ADISSP: variants seen among roughly 807,000 people sequenced by gnomAD.
The protein encoded by ADISSP is adipose secreted signaling protein.
the ADISSP span, chr20:3,759,968 C>T: frequency 2.3e-5 from 33 of 1,435,604 alleles, no homozygotes; most frequent in Non-Finnish European, 3.1e-5. The surrounding 1 kb of genome is among the most constrained non-coding windows in gnomAD (Gnocchi z 4.6). Flanking sequence ...CACGCACTCA[C>T]ACATGCACAC....
chr20:3,762,811 C>T, the ADISSP span, among the ~76,000 whole-genome samples: 1 of 152,100 alleles, frequency 6.6e-6, no homozygotes. Flanking sequence ...CCCTTCAGAG[C>T]AAAAGTTTGC....
chr20:3,758,121 C>T, the ADISSP span, among the ~76,000 whole-genome samples: 4 of 152,200 alleles, frequency 2.6e-5, no homozygotes, highest in Non-Finnish European at 5.9e-5. This position sits in a 1 kb window ranked among gnomAD's most constrained non-coding sequence, Gnocchi z 5.5. Flanking sequence ...AGCTTCACAC[C>T]TGTATCACAT....
the ADISSP span, chr20:3,760,099 A>G: frequency 3.7e-6 from 6 of 1,611,736 alleles, no homozygotes; most frequent in Non-Finnish European, 5.1e-6. Context: ...GGCTGCAGCC[A>G]TGGACGCCCT....
chr20:3,767,200 T>A, the ADISSP span: 8,224 of 152,296 alleles, frequency 0.054, 291 homozygotes, highest in East Asian at 0.12. Flanking sequence ...ACTCCCCACC[T>A]TCACTCACCT....
the ADISSP span, among the ~76,000 whole-genome samples, chr20:3,755,049 C>T: frequency 1.3e-5 from 2 of 152,302 alleles, no homozygotes; most frequent in East Asian, 3.9e-4. Context: ...GGGGCAGGGC[C>T]TGAAGTGAGC....
chr20:3,761,957 TTTTTTG>T, the ADISSP span, among the ~76,000 whole-genome samples: 2 of 152,204 alleles, frequency 1.3e-5, no homozygotes, highest in African/African-American at 4.8e-5. Context: ...GACTGACCTG[TTTTTTG>T]TTTTTGTTTT....
the ADISSP span, among the ~76,000 whole-genome samples, chr20:3,757,465 C>G: frequency 1.3e-5 from 2 of 152,084 alleles, no homozygotes; most frequent in African/African-American, 2.4e-5. Flanking sequence ...TCCAAATTTT[C>G]TCATGTCTAT....
the ADISSP span, chr20:3,758,674 G>A: frequency 1.5e-4 from 245 of 1,614,000 alleles, 1 homozygote; most frequent in African/African-American, 2.0e-3. This position sits in a 1 kb window ranked among gnomAD's most constrained non-coding sequence, Gnocchi z 5.5. Context: ...CTCTGGGCTT[G>A]TTGCCTAGGA....
the ADISSP span, chr20:3,753,817 C>A: frequency 1.6e-5 from 9 of 575,524 alleles, no homozygotes; most frequent in Admixed American, 3.1e-5. Flanking sequence ...TCCTTTCGGG[C>A]TCAACCCATT....
the ADISSP span, chr20:3,753,986 A>G: frequency 8.4e-7 from 1 of 1,192,688 alleles, no homozygotes; most frequent in Non-Finnish European, 1.2e-6. Flanking sequence ...AAGCCACACC[A>G]TCACGCAGCA....
chr20:3,753,622 A>C, the ADISSP span: 1 of 207,010 alleles, frequency 4.8e-6, no homozygotes, highest in Non-Finnish European at 1.0e-5. Flanking sequence ...CCTCCTACTC[A>C]TGGTGGACAG....
chr20:3,759,702 TG>T, the ADISSP span, among the ~76,000 whole-genome samples: 1 of 152,066 alleles, frequency 6.6e-6, no homozygotes, highest in Non-Finnish European at 1.5e-5. This position sits in a 1 kb window ranked among gnomAD's most constrained non-coding sequence, Gnocchi z 4.6. Context: ...TTATCCCTTC[TG>T]GACTCTGAAA....
At chr20:3,761,336 G>GTTT in the ADISSP span, among the ~76,000 whole-genome samples, 4 of 141,640 alleles carry the variant, frequency 2.8e-5, no homozygotes, top group African/African-American at 7.8e-5. Flanking sequence ...TATGGTTTTT[G>GTTT]TTTTTTTTTT....
chr20:3,758,646 C>T, the ADISSP span: 1 of 1,614,094 alleles, frequency 6.2e-7, no homozygotes, highest in Non-Finnish European at 8.5e-7. The surrounding 1 kb of genome is among the most constrained non-coding windows in gnomAD (Gnocchi z 5.5). Context: ...TGGCCTGCCG[C>T]AAAGCGGATA....
the ADISSP span, chr20:3,768,197 C>G: frequency 2.0e-5 from 3 of 152,398 alleles, no homozygotes; most frequent in African/African-American, 7.2e-5. Flanking sequence ...GCTTCCACGC[C>G]GGCTTCGGCC....
chr20:3,759,121 C>G, the ADISSP span, among the ~76,000 whole-genome samples: 2 of 152,304 alleles, frequency 1.3e-5, no homozygotes, highest in South Asian at 4.1e-4. The surrounding 1 kb of genome is among the most constrained non-coding windows in gnomAD (Gnocchi z 4.6). Flanking sequence ...CCCTGCCTGC[C>G]CATCCTCATG....
chr20:3,759,038 C>T, the ADISSP span, among the ~76,000 whole-genome samples: 1 of 152,176 alleles, frequency 6.6e-6, no homozygotes, highest in Non-Finnish European at 1.5e-5. The surrounding 1 kb of genome is among the most constrained non-coding windows in gnomAD (Gnocchi z 4.6). Flanking sequence ...GATACCCTGC[C>T]CAGTGCTCTC....
chr20:3,763,912 G>T, the ADISSP span, among the ~76,000 whole-genome samples: 3 of 152,200 alleles, frequency 2.0e-5, no homozygotes, highest in South Asian at 6.2e-4. Context: ...CATGGGCAGG[G>T]TGTTCACAGT....
At chr20:3,755,292 A>G in the ADISSP span, 2 of 608,692 alleles carry the variant, frequency 3.3e-6, no homozygotes, top group Non-Finnish European at 5.9e-6. Context: ...ACTTCTGTTC[A>G]GGACAGGGAG....
Sources: gnomAD v4.1 joint callset for allele counts (sites outside exome capture counted in the v4.1 genomes callset) on GRCh38, gnomAD v4.1.1 for gene constraint, Gnocchi (gnomAD v3.1) non-coding constraint, MANE v1.5 for transcripts, NCBI Gene and HGNC (gene_info 2026-07-23, HGNC 2026-07-21) for gene names.